LGMN: variants seen among roughly 807,000 people sequenced by gnomAD.
The protein encoded by LGMN is legumain.
In LGMN, 36 loss-of-function variants were observed where a neutral mutation model predicts 56.8. That is an observed-to-expected ratio of 0.63 (90% CI 0.49 to 0.84). The LOEUF is 0.84. Ranked by LOEUF, LGMN falls within the 40% of genes least tolerant of loss-of-function variation. LGMN has a pLI of 0.00. For missense variants in LGMN, 446 were observed against 556.1 expected, an observed-to-expected ratio of 0.80 and a Z score of 1.99; for synonymous variants, 199 against 210.1, an observed-to-expected ratio of 0.95 and a Z score of 0.46.
At position 92,733,446 on chromosome 14, in the gene LGMN, C is replaced by T. The variant is rs186467299; in HGVS notation, c.-29-631G>A. Among the ~76,000 whole-genome samples the T allele has an allele frequency of 7.4e-4, 113 of 152,230 alleles. 1 individual carries two copies. The highest frequency in any genetic ancestry group is 5.0e-3 in the Admixed American group (77 of 15,292). ...AAATACAGCAGATAAAATTCATCAA[C>T]AAAATTCACTATTGGAAACATATCT... On this transcript the variant is annotated intron_variant, in intron 1 of 13. Coordinates refer to ENST00000334869, the MANE Select transcript of LGMN (RefSeq NM_005606.7).
At chr14:92,727,094 T>C (rs1055859854) in intron 2 of LGMN, among the ~76,000 whole-genome samples, 2 of 151,736 alleles carry the variant, frequency 1.3e-5, no homozygotes, top group Non-Finnish European at 2.9e-5. Context: ...ATGAGGAGAG[T>C]GTATTTGAGG....
At chr14:92,719,157 T>C (rs112005311) in intron 2 of LGMN, among the ~76,000 whole-genome samples, 14,789 of 39,358 alleles carry the variant, frequency 0.38, 1,303 homozygotes, top group East Asian at 0.55. Flanking sequence ...CCACCGCCAC[T>C]GCCACCACCA....
chr14:92,710,349 A>G (rs1889696565), intron 10 of LGMN, among the ~76,000 whole-genome samples: 1 of 152,240 alleles, frequency 6.6e-6, no homozygotes, highest in African/African-American at 2.4e-5. Context: ...CTCACCTGCA[A>G]GTCCCTAAGG....
At chr14:92,723,699 C>T (rs1240889877) in intron 2 of LGMN, among the ~76,000 whole-genome samples, 1 of 152,014 alleles carries the variant, frequency 6.6e-6, no homozygotes, top group Non-Finnish European at 1.5e-5. Flanking sequence ...TTAGCAGTTG[C>T]CTGAGGCTAG....
Position 92,711,918 on chromosome 14 carries a change from G to A in LGMN, c.648C>T (p.Ser216=), listed in dbSNP as rs780380223. The A allele has an allele frequency of 6.2e-7, 1 of 1,614,092 alleles. No homozygotes were observed. The highest frequency in any genetic ancestry group is 8.5e-7 in the Non-Finnish European group (1 of 1,179,940). The change falls in exon 9 of 14, where the codon TCC becomes TCT. Residue 216 remains serine (S), a synonymous_variant. Coordinates refer to ENST00000334869, the MANE Select transcript of LGMN (RefSeq NM_005606.7). The part of the protein sequence containing the change: ...ATTAANPRES[S]YACYYDEKRS... ...TCTTCTCATCATAGTAACAGGCGTA[G>A]GACGACTCTCTGGGGTTGGCAGCAG...
chr14:92,709,742 C>T lies in LGMN; in HGVS notation c.950G>A (p.Arg317Lys). Residue 317 changes from arginine to lysine, a missense_variant, in exon 11 of 14, where the codon AGG (arginine) becomes AAG (lysine). By Grantham distance (26) the Arg-to-Lys change is conservative. Transcript: ENST00000334869. ...CAGATCATTGGTGTTCATCAGTTTC[C>T]TTTTCATGATGGTGAGAGGCACATC... ...SPDVPLTIMK[R>K]KLMNTNDLEE... 1 of 1,614,130 alleles carries T rather than the reference C, an allele frequency of 6.2e-7. No homozygotes were observed. The highest frequency in any genetic ancestry group is 8.5e-7 in the Non-Finnish European group (1 of 1,180,006).
At chr14:92,732,387 G>C in intron 2 of LGMN, 1 of 398,708 alleles carries the variant, frequency 2.5e-6, no homozygotes, top group Non-Finnish European at 4.6e-6. Context: ...CAGAAACCTT[G>C]CATCAGATTA....
intron 1 of LGMN, among the ~76,000 whole-genome samples, chr14:92,738,989 A>G (rs1300963137): frequency 6.6e-6 from 1 of 151,156 alleles, no homozygotes; most frequent in Non-Finnish European, 1.5e-5. Flanking sequence ...ACTGCACTCC[A>G]GCCTGGTGAC....
At chr14:92,707,241 C>A (rs1166562592) in intron 11 of LGMN, among the ~76,000 whole-genome samples, 8 of 106,302 alleles carry the variant, frequency 7.5e-5, no homozygotes, top group Non-Finnish European at 1.3e-4. Context: ...AAATAAAAAT[C>A]AAAAAACTAA....
At chr14:92,744,588 C>A (rs1891729653) in intron 1 of LGMN, among the ~76,000 whole-genome samples, 1 of 150,234 alleles carries the variant, frequency 6.7e-6, no homozygotes. Context: ...AGGAAATTAT[C>A]CTTTAGTTTT....
Position 92,713,683 on chromosome 14 carries a change from G to C in LGMN, c.543+140C>G. On this transcript the variant is annotated intron_variant, in intron 7 of 13. Transcript: ENST00000334869. ...GCTAAAGCCGAAAGCCTCATCCTGG[G>C]AAACCAGGGATTGGAAGGATCCCCT... is the stretch of plus-strand genomic sequence containing the variant. 2.0e-5 allele frequency: 14 copies of C among 703,502 alleles called. 1 individual carries two copies. In the South Asian group the frequency reaches 2.2e-4, roughly 11 times the overall value. The allele number at this position is 703,502 out of a possible 1,614,324, so 43.6% of individuals were successfully genotyped here. A position where few individuals can be genotyped will look rare whatever the true frequency, so the allele number is the denominator to read the frequency against.
At chr14:92,705,854 C>T (rs1030702024) in intron 12 of LGMN, among the ~76,000 whole-genome samples, 16 of 152,114 alleles carry the variant, frequency 1.1e-4, no homozygotes, top group Non-Finnish European at 1.5e-5. Flanking sequence ...TCTGGAACTC[C>T]TGACTTCAGG....
intron 2 of LGMN, among the ~76,000 whole-genome samples, chr14:92,719,266 G>GCCGCCA (rs1349833655): frequency 5.0e-4 from 5 of 9,902 alleles, no homozygotes; most frequent in African/African-American, 1.3e-3. Context: ...CACCGCCACC[G>GCCGCCA]CCGCCGCCGC....
At chr14:92,733,303 G>A (rs1021077797) in intron 1 of LGMN, among the ~76,000 whole-genome samples, 14 of 152,176 alleles carry the variant, frequency 9.2e-5, no homozygotes, top group African/African-American at 2.7e-4. Flanking sequence ...CAGCCTGTGC[G>A]TGGAGAAGGG....
rs7156367 is a variant in LGMN at position 92,708,422 on chromosome 14, A to G, written c.1020+1250T>C. 6.7e-3 allele frequency among the ~76,000 whole-genome samples: 1,013 copies of G among 152,206 alleles called. 7 individuals are homozygous for G. The highest frequency in any genetic ancestry group is 0.012 in the Non-Finnish European group (828 of 68,018). On this transcript the variant is annotated intron_variant, in intron 11 of 13. Coordinates refer to ENST00000334869, the MANE Select transcript of LGMN (RefSeq NM_005606.7). ...AGACCAGCCTGGGCAACATAGTGAC[A>G]CCCCAGCTCTACAAAAAAATTAATA...
In LGMN at chr14:92,732,645, T is replaced by A; in HGVS notation, c.138+4A>T. On this transcript the variant is annotated splice_donor_region_variant and intron_variant, in intron 2 of 13. Coordinates refer to ENST00000334869, the MANE Select transcript of LGMN (RefSeq NM_005606.7). The stretch of plus-strand genomic sequence containing the variant: ...AACAAAAAAAAGATTAGTCATTTTC[T>A]TACCTGGTGCCTATAATTATACCAG... The A allele has an allele frequency of 1.2e-6, 2 of 1,613,296 alleles. No homozygotes were observed. Among genetic ancestry groups the A allele is most frequent in the Non-Finnish European group, 8.5e-7 (1 of 1,179,762 alleles).
At chr14:92,718,307 C>T (rs1386103160) in intron 3 of LGMN, among the ~76,000 whole-genome samples, 1 of 152,112 alleles carries the variant, frequency 6.6e-6, no homozygotes, top group Non-Finnish European at 1.5e-5. Context: ...GACATGGTGG[C>T]TCACATCTGT....
Position 92,709,878 on chromosome 14 carries a change from GAGAC to G in LGMN, c.820-10_820-7del, listed in dbSNP as rs769875376. On this transcript the variant is annotated splice_region_variant and splice_polypyrimidine_tract_variant and intron_variant, in intron 10 of 13. Coordinates refer to ENST00000334869, the MANE Select transcript of LGMN (RefSeq NM_005606.7). ...ACTTTCATGGTGGAGATTGTCTGGG[GAGAC>G]AGACAGCAAGAGAGAGCGAGAGAGA... is the stretch of plus-strand genomic sequence containing the variant. The G allele has an allele frequency of 1.3e-6, 2 of 1,593,612 alleles. No homozygotes were observed. Among genetic ancestry groups the G allele is most frequent in the Non-Finnish European group, 1.7e-6 (2 of 1,167,326 alleles).
rs922837201 is a variant in LGMN, at chr14:92,704,248, C to T, written c.*71G>A. ...GAGCAGCGGAGACTTCTCACTCCACCTCTCCAGTCTCTGATCAGCACACAG... is the reference window on the plus strand; with the variant it reads ...GAGCAGCGGAGACTTCTCACTCCACTTCTCCAGTCTCTGATCAGCACACAG... On this transcript the variant is annotated 3_prime_UTR_variant, in exon 14 of 14. Coordinates refer to ENST00000334869, the MANE Select transcript of LGMN (RefSeq NM_005606.7). The T allele has an allele frequency of 4.4e-6, 7 of 1,605,144 alleles. No homozygotes were observed. The highest frequency in any genetic ancestry group is 3.3e-5 in the Admixed American group (2 of 59,990).
Sources: allele counts gnomAD v4.1 joint callset (sites outside exome capture counted in the v4.1 genomes callset), GRCh38; gene constraint gnomAD v4.1.1; transcripts MANE v1.5; gene names NCBI Gene and HGNC (gene_info 2026-07-23, HGNC 2026-07-21).